The following HIP1 variants were observed in gnomAD, a reference collection of about 807,000 sequenced individuals.
The protein encoded by HIP1 is huntingtin interacting protein 1, also known as huntingtin-interacting protein 1.
A neutral mutation model predicts 147.6 loss-of-function variants in HIP1; 65 were observed. That is an observed-to-expected ratio of 0.44 (90% CI 0.36 to 0.54). HIP1 has a LOEUF of 0.54. HIP1 is among the 20% of genes least tolerant of loss of function. The pLI, the probability that HIP1 is intolerant of heterozygous loss-of-function variation, is 0.00. For missense variants in HIP1, 1,061 were observed against 1,299.6 expected (o/e 0.82, Z 2.82); for synonymous variants, 479 against 504.0 (o/e 0.95, Z 0.67).
intron 9 of HIP1, among the ~76,000 whole-genome samples, chr7:75,566,921 G>A (rs782391535): frequency 3.3e-5 from 5 of 151,056 alleles, no homozygotes; most frequent in Non-Finnish European, 5.9e-5. Context: ...AGACCAGCCC[G>A]GCCAACATGG....
chr7:75,716,836 A>AGG (rs1563310446), intron 1 of HIP1, among the ~76,000 whole-genome samples: 1 of 148,412 alleles, frequency 6.7e-6, no homozygotes, highest in African/African-American at 2.5e-5. Flanking sequence ...AGGGGGGGGG[A>AGG]AAGGATCTCA....
At chr7:75,634,378 C>A (rs1335971145) in intron 1 of HIP1, among the ~76,000 whole-genome samples, 1 of 152,188 alleles carries the variant, frequency 6.6e-6, no homozygotes. Flanking sequence ...CCAAAGGCCA[C>A]GACCCCCAGC....
chr7:75,688,036 C>T lies in HIP1; in HGVS notation c.120+50765G>A, dbSNP rs148686570. Among the ~76,000 whole-genome samples, 408 of 152,236 alleles carry T rather than the reference C, an allele frequency of 2.7e-3. 1 individual carries two copies. The highest frequency in any genetic ancestry group is 4.7e-3 in the Non-Finnish European group (317 of 68,004). On this transcript the variant is annotated intron_variant, in intron 1 of 30. Transcript: ENST00000336926. ...TTATCCTCCCCAACTAGAAAGAGGC[C>T]TCCTGTCCCCCTGAAGGCCACTTAC...
At chr7:75,719,923 T>A (rs1414858229) in intron 1 of HIP1, among the ~76,000 whole-genome samples, 1 of 152,144 alleles carries the variant, frequency 6.6e-6, no homozygotes, top group Non-Finnish European at 1.5e-5. Flanking sequence ...CTATTACTTG[T>A]GGCATGGACC....
chr7:75,723,579 TG>T (rs1448347300), intron 1 of HIP1, among the ~76,000 whole-genome samples: 2 of 151,790 alleles, frequency 1.3e-5, no homozygotes, highest in Non-Finnish European at 2.9e-5. Flanking sequence ...CCCGTCTCCT[TG>T]CTGGGTCTCA....
intron 1 of HIP1, among the ~76,000 whole-genome samples, chr7:75,628,475 C>CTTTTTTT (rs71098044): frequency 7.5e-6 from 1 of 132,632 alleles, no homozygotes; most frequent in Admixed American, 7.7e-5. Context: ...TCCTGTACCT[C>CTTTTTTT]TTTTTTTTTT....
intron 1 of HIP1, among the ~76,000 whole-genome samples, chr7:75,635,492 C>T (rs1454783668): frequency 4.0e-5 from 6 of 149,890 alleles, no homozygotes; most frequent in African/African-American, 1.2e-4. Flanking sequence ...GCAGGAGAAT[C>T]GCTTGAACCC....
chr7:75,722,919 T>C (rs1386776986), intron 1 of HIP1, among the ~76,000 whole-genome samples: 1 of 152,176 alleles, frequency 6.6e-6, no homozygotes, highest in African/African-American at 2.4e-5. Context: ...AATCCAGTGT[T>C]TGATCTGCAG....
chr7:75,603,517 A>G (rs1356559985), intron 1 of HIP1, among the ~76,000 whole-genome samples: 1 of 152,072 alleles, frequency 6.6e-6, no homozygotes, highest in Non-Finnish European at 1.5e-5. Flanking sequence ...GAGGACAAGA[A>G]TGACATGCGA....
intron 1 of HIP1, among the ~76,000 whole-genome samples, chr7:75,707,507 G>C (rs1801039235): frequency 7.0e-6 from 1 of 142,850 alleles, no homozygotes; most frequent in African/African-American, 2.7e-5. Flanking sequence ...AAATTTGTTT[G>C]AGTTCATTGT....
At chr7:75,723,715 C>T (rs1275426616) in intron 1 of HIP1, among the ~76,000 whole-genome samples, 2 of 152,066 alleles carry the variant, frequency 1.3e-5, no homozygotes, top group Non-Finnish European at 2.9e-5. Flanking sequence ...AGAGAAGTTA[C>T]TCTGCTTTTA....
intron 1 of HIP1, among the ~76,000 whole-genome samples, chr7:75,634,412 T>G (rs1798353633): frequency 6.6e-6 from 1 of 152,254 alleles, no homozygotes; most frequent in South Asian, 2.1e-4. Flanking sequence ...TTAACTTGTG[T>G]CCATTCTAGA....
intron 1 of HIP1, among the ~76,000 whole-genome samples, chr7:75,676,428 G>A (rs782502917): frequency 3.9e-5 from 6 of 152,086 alleles, no homozygotes; most frequent in East Asian, 1.9e-4. Context: ...GGGCACACAC[G>A]CAGCCAACAC....
At chr7:75,632,041 G>A (rs1798241145) in intron 1 of HIP1, among the ~76,000 whole-genome samples, 1 of 152,194 alleles carries the variant, frequency 6.6e-6, no homozygotes, top group African/African-American at 2.4e-5. Flanking sequence ...ACTCGGAGGG[G>A]CCTCCGAAGA....
At chr7:75,562,321 G>A (rs187131465) in intron 11 of HIP1, 151 bp from the exon 12 acceptor site, 55 of 608,296 alleles carry the variant, frequency 9.0e-5, no homozygotes, top group African/African-American at 8.1e-4. Flanking sequence ...ACAGGTTCTC[G>A]CTCTACTGCC....
intron 1 of HIP1, among the ~76,000 whole-genome samples, chr7:75,682,881 G>A (rs1422323154): frequency 6.6e-6 from 1 of 152,140 alleles, no homozygotes; most frequent in East Asian, 1.9e-4. Context: ...CGCTCTGCTG[G>A]TCAGCAAGGA....
intron 1 of HIP1, among the ~76,000 whole-genome samples, chr7:75,641,605 C>T (rs1332179409): frequency 1.3e-5 from 2 of 152,000 alleles, no homozygotes; most frequent in Non-Finnish European, 2.9e-5. Context: ...AATTCGCCTG[C>T]CTCAGCCTCC....
chr7:75,567,514 A>T (rs1323034458), intron 9 of HIP1, among the ~76,000 whole-genome samples: 1 of 151,476 alleles, frequency 6.6e-6, no homozygotes, highest in Non-Finnish European at 1.5e-5. Flanking sequence ...GAATGAAGAT[A>T]ACCTCAGGTC....
intron 1 of HIP1, among the ~76,000 whole-genome samples, chr7:75,649,526 GGTT>G (rs71915052): frequency 0.06 from 9,070 of 152,188 alleles, 361 homozygotes; most frequent in Middle Eastern, 0.12. Flanking sequence ...GGAAAACAGA[GGTT>G]GTTATTGCCA....
Sources: gnomAD v4.1 joint callset for allele counts (sites outside exome capture counted in the v4.1 genomes callset) on GRCh38, gnomAD v4.1.1 for gene constraint, MANE v1.5 for transcripts, NCBI Gene and HGNC (gene_info 2026-07-23, HGNC 2026-07-21) for gene names.